ABHD6: variants seen among roughly 807,000 people sequenced by gnomAD.
ABHD6 encodes abhydrolase domain containing 6, acylglycerol lipase.
In ABHD6, 33 loss-of-function variants were observed where a neutral mutation model predicts 38.8. The ratio of observed to expected loss-of-function variants is 0.85; its 90% CI spans 0.64 to 1.14. ABHD6 has a LOEUF of 1.14. ABHD6 is among the 50% of genes most tolerant of loss of function. The probability of loss-of-function intolerance (pLI) is 0.00; values close to 1 mark genes in which losing one functional copy is unlikely to be tolerated. For missense variants in ABHD6, 380 were observed against 422.6 expected, an observed-to-expected ratio of 0.90 and a Z score of 0.88; for synonymous variants, 147 against 161.6, an observed-to-expected ratio of 0.91 and a Z score of 0.69.
chr3:58,288,999 G>A (rs544265359), intron 9 of ABHD6, among the ~76,000 whole-genome samples: 6 of 152,166 alleles, frequency 3.9e-5, no homozygotes, highest in Admixed American at 2.6e-4. Context: ...TTTAGCCCTG[G>A]TGTGAAGCAA....
At chr3:58,254,912 C>G (rs2097432313) in intron 2 of ABHD6, among the ~76,000 whole-genome samples, 1 of 151,492 alleles carries the variant, frequency 6.6e-6, no homozygotes, top group African/African-American at 2.4e-5. Context: ...GAGATGAGGT[C>G]TTGCCATGTT....
intron 9 of ABHD6, among the ~76,000 whole-genome samples, chr3:58,286,438 G>A (rs956898942): frequency 3.3e-5 from 5 of 152,022 alleles, no homozygotes; most frequent in Non-Finnish European, 7.4e-5. Flanking sequence ...TTACAAGCAT[G>A]AGCCAACATG....
chr3:58,242,438 A>G (rs2097423503), intron 1 of ABHD6, among the ~76,000 whole-genome samples: 1 of 152,238 alleles, frequency 6.6e-6, no homozygotes, highest in Non-Finnish European at 1.5e-5. Context: ...ATTTGTGGCC[A>G]TATGAGCAGA....
chr3:58,262,068 T>C (rs998880500), intron 3 of ABHD6, among the ~76,000 whole-genome samples: 1 of 152,230 alleles, frequency 6.6e-6, no homozygotes, highest in African/African-American at 2.4e-5. Flanking sequence ...AGAACAACTG[T>C]GCTAAGTGAA....
At chr3:58,290,913 G>A (rs977871165) in intron 9 of ABHD6, among the ~76,000 whole-genome samples, 9 of 150,956 alleles carry the variant, frequency 6.0e-5, no homozygotes, top group African/African-American at 1.9e-4. Context: ...CCAGGCAGAG[G>A]GGCTCCTCAC....
chr3:58,282,605 G>A (rs1313407564), intron 7 of ABHD6, among the ~76,000 whole-genome samples: 1 of 152,128 alleles, frequency 6.6e-6, no homozygotes, highest in African/African-American at 2.4e-5. Context: ...GTGTGGTGGT[G>A]CGTGCCTGTA....
intron 6 of ABHD6, 66 bp from the exon 7 acceptor site, chr3:58,274,592 C>T: frequency 6.6e-7 from 1 of 1,521,908 alleles, no homozygotes; most frequent in Non-Finnish European, 8.9e-7. Flanking sequence ...CAGAAGTTCC[C>T]TATATAAAAT....
chr3:58,243,714 G>A (rs946929725), intron 1 of ABHD6, among the ~76,000 whole-genome samples: 4 of 151,728 alleles, frequency 2.6e-5, no homozygotes, highest in African/African-American at 9.7e-5. Context: ...AGGCTGGAGC[G>A]CAGTGGCACG....
chr3:58,279,551 C>T (rs2097451362), intron 7 of ABHD6, among the ~76,000 whole-genome samples: 1 of 152,096 alleles, frequency 6.6e-6, no homozygotes, highest in Non-Finnish European at 1.5e-5. Flanking sequence ...TCCAATTTGC[C>T]AGTCTGTGTC....
intron 1 of ABHD6, among the ~76,000 whole-genome samples, chr3:58,243,683 C>T (rs1159098600): frequency 6.6e-6 from 1 of 151,074 alleles, no homozygotes; most frequent in African/African-American, 2.4e-5. Context: ...TTTTTTGAGA[C>T]AGAGTCTCAC....
intron 1 of ABHD6, among the ~76,000 whole-genome samples, chr3:58,247,123 AG>A (rs1280550113): frequency 3.3e-5 from 5 of 151,762 alleles, no homozygotes; most frequent in Admixed American, 6.6e-5. Flanking sequence ...CCTGGGTTAA[AG>A]GGATTCTAGC....
At position 58,285,208 on chromosome 3, in the gene ABHD6, C is replaced by T; in HGVS notation, c.736+69C>T. ...CTCTGTGGATGGATGGCTTTTATTT[C>T]TTAAATCTCTGACACTTTGAATGTC... On this transcript the variant is annotated intron_variant, in intron 8 of 9. Coordinates refer to ENST00000478253, the MANE Select transcript of ABHD6 (RefSeq NM_001320126.2). The surrounding 1 kb of genome is among the most constrained non-coding windows in gnomAD (Gnocchi z 4.9). 1 of 1,564,700 alleles carries T rather than the reference C, an allele frequency of 6.4e-7. No individual in the cohort carries two copies. The highest frequency in any genetic ancestry group is 8.8e-7 in the Non-Finnish European group (1 of 1,135,176).
At position 58,251,499 on chromosome 3, in the gene ABHD6, A is replaced by C. The variant is rs1192273640; in HGVS notation, c.-26+1557A>C. On this transcript the variant is annotated intron_variant, in intron 2 of 9. Coordinates refer to ENST00000478253, the MANE Select transcript of ABHD6 (RefSeq NM_001320126.2). This position sits in a 1 kb window ranked among gnomAD's most constrained non-coding sequence, Gnocchi z 5.4. The stretch of plus-strand genomic sequence containing the variant: ...TTCAAAATCAGTGACAACATTAAAG[A>C]AAATTGTGAGATGTGCCTTACTCCT... Among the ~76,000 whole-genome samples, 1 of 152,208 alleles carries C rather than the reference A, an allele frequency of 6.6e-6. No individual in the cohort carries two copies. Among genetic ancestry groups the C allele is most frequent in the Non-Finnish European group, 1.5e-5 (1 of 68,036 alleles).
intron 9 of ABHD6, among the ~76,000 whole-genome samples, chr3:58,286,852 G>GTATATATATATA (rs1235603195): frequency 4.0e-4 from 28 of 70,600 alleles, no homozygotes; most frequent in Non-Finnish European, 4.7e-4. Context: ...GTGTGTGTGT[G>GTATATATATATA]TATATATATA....
chr3:58,245,960 T>G (rs2097426099), intron 1 of ABHD6, among the ~76,000 whole-genome samples: 1 of 152,226 alleles, frequency 6.6e-6, no homozygotes, highest in Non-Finnish European at 1.5e-5. Flanking sequence ...CCATCTGCTA[T>G]ATAGCACACC....
At chr3:58,281,534 C>T (rs940248084) in intron 7 of ABHD6, among the ~76,000 whole-genome samples, 2 of 152,208 alleles carry the variant, frequency 1.3e-5, no homozygotes, top group Non-Finnish European at 2.9e-5. Flanking sequence ...GGAAATCCCC[C>T]GACCCCTTGC....
Position 58,264,500 on chromosome 3 carries a change from G to A in ABHD6, c.120-2689G>A, listed in dbSNP as rs141214922. 1.5e-4 allele frequency among the ~76,000 whole-genome samples: 22 copies of A among 149,790 alleles called. No individual in the cohort carries two copies. The East Asian group carries it at 4.0e-3, about 27-fold the overall frequency. ...ATCACTTGAGTTCGAGACCAGCCCG[G>A]GCAATACAGGGAGACCCAGTCTCTA... On this transcript the variant is annotated intron_variant, in intron 3 of 9. Coordinates refer to ENST00000478253, the MANE Select transcript of ABHD6 (RefSeq NM_001320126.2).
Position 58,257,827 on chromosome 3 carries a change from A to G in ABHD6, c.119+1122A>G, listed in dbSNP as rs2097434399. ...TAAAGAAGTGACAGAAAGAAAAAGA[A>G]GTTTCCAAAATATGTCATTCTTGTA... is the stretch of plus-strand genomic sequence containing the variant. On this transcript the variant is annotated intron_variant, in intron 3 of 9. Coordinates refer to ENST00000478253, the MANE Select transcript of ABHD6 (RefSeq NM_001320126.2). The surrounding 1 kb of genome is among the most constrained non-coding windows in gnomAD (Gnocchi z 4.8). Among the ~76,000 whole-genome samples, 1 of 152,210 alleles carries G rather than the reference A, an allele frequency of 6.6e-6. No homozygotes were observed. Among genetic ancestry groups the G allele is most frequent in the Non-Finnish European group, 1.5e-5 (1 of 68,030 alleles).
intron 6 of ABHD6, among the ~76,000 whole-genome samples, chr3:58,271,265 G>A (rs1344630574): frequency 1.3e-5 from 2 of 151,766 alleles, no homozygotes; most frequent in African/African-American, 2.4e-5. Context: ...TATAGAGCCA[G>A]CCTTGTTACA....
Sources: gnomAD v4.1 joint callset for allele counts (sites outside exome capture counted in the v4.1 genomes callset) on GRCh38, gnomAD v4.1.1 for gene constraint, Gnocchi (gnomAD v3.1) non-coding constraint, MANE v1.5 for transcripts, NCBI Gene and HGNC (gene_info 2026-07-23, HGNC 2026-07-21) for gene names.